Variants in FAT3 observed in about 807,000 individuals in gnomAD.
FAT3 encodes the protein FAT atypical cadherin 3.
In FAT3, 95 loss-of-function variants were observed where a neutral mutation model predicts 310.2. That is an observed-to-expected ratio of 0.31 (90% confidence interval 0.26 to 0.36). FAT3 has a LOEUF of 0.36. Ranked by LOEUF, FAT3 falls within the 10% of genes least tolerant of loss-of-function variation. The pLI is 1.00. For missense variants in FAT3, 5,408 were observed against 5,715.6 expected, an observed-to-expected ratio of 0.95 and a Z score of 1.74; for synonymous variants, 2,314 against 2,192.9, an observed-to-expected ratio of 1.06 and a Z score of -1.54.
At chr11:92,753,773 G>GGT (rs145467493) in intron 4 of FAT3, among the ~76,000 whole-genome samples, 3,981 of 128,194 alleles carry the variant, frequency 0.031, 334 homozygotes, top group Admixed American at 0.12. Flanking sequence ...AAGAAACTGT[G>GGT]GTGTGTGTGT....
At chr11:92,495,999 G>A (rs1391902500) in intron 2 of FAT3, among the ~76,000 whole-genome samples, 2 of 152,064 alleles carry the variant, frequency 1.3e-5, no homozygotes, top group Admixed American at 6.6e-5. Flanking sequence ...TGCATTTTCT[G>A]TAGTGTTGAT....
intron 13 of FAT3, among the ~76,000 whole-genome samples, chr11:92,814,167 A>G (rs1170651663): frequency 6.6e-6 from 1 of 152,232 alleles, no homozygotes; most frequent in Non-Finnish European, 1.5e-5. Context: ...TTTATAAATT[A>G]CGAAGTCTCA....
At chr11:92,656,520 A>G (rs1752075963) in intron 3 of FAT3, among the ~76,000 whole-genome samples, 2 of 152,222 alleles carry the variant, frequency 1.3e-5, no homozygotes, top group African/African-American at 4.8e-5. Flanking sequence ...TAATGGCACA[A>G]CCAAACCACC....
intron 2 of FAT3, among the ~76,000 whole-genome samples, chr11:92,415,007 CA>C (rs59309979): frequency 0.85 from 123,083 of 145,068 alleles, 51,834 homozygotes; most frequent in South Asian, 0.89. Flanking sequence ...AAGATTTCGT[CA>C]AAAAAAAAAA....
At chr11:92,425,956 C>A (rs1250324651) in intron 2 of FAT3, among the ~76,000 whole-genome samples, 1 of 152,136 alleles carries the variant, frequency 6.6e-6, no homozygotes. Flanking sequence ...GAGGAATCAC[C>A]ACACTGTCTT....
intron 1 of FAT3, among the ~76,000 whole-genome samples, chr11:92,303,726 A>G (rs1230146592): frequency 2.6e-5 from 4 of 152,098 alleles, no homozygotes; most frequent in Admixed American, 2.0e-4. Context: ...CCTTTGTGAA[A>G]TGTTTGTAGC....
chr11:92,584,481 C>T (rs1002003868), intron 3 of FAT3, among the ~76,000 whole-genome samples: 1 of 151,672 alleles, frequency 6.6e-6, no homozygotes, highest in Admixed American at 6.6e-5. Context: ...GCTTTTTTTC[C>T]CCCCCTTTTC....
intron 2 of FAT3, among the ~76,000 whole-genome samples, chr11:92,508,502 A>C (rs139880728): frequency 6.6e-6 from 1 of 152,190 alleles, no homozygotes; most frequent in African/African-American, 2.4e-5. Flanking sequence ...AGAAAAAGTT[A>C]TCTGAAAAGG....
At chr11:92,413,604 C>G (rs1443239912) in intron 2 of FAT3, among the ~76,000 whole-genome samples, 1 of 152,112 alleles carries the variant, frequency 6.6e-6, no homozygotes, top group Non-Finnish European at 1.5e-5. Context: ...TTGGCTTTCC[C>G]TATGCTGGAT....
At chr11:92,754,354 G>A (rs1002753708) in intron 4 of FAT3, among the ~76,000 whole-genome samples, 19 of 151,884 alleles carry the variant, frequency 1.3e-4, no homozygotes, top group East Asian at 2.0e-4. Flanking sequence ...GGCCGGGCGC[G>A]ATGGCTCACG....
At chr11:92,479,048 C>T (rs773428982) in intron 2 of FAT3, among the ~76,000 whole-genome samples, 6 of 150,072 alleles carry the variant, frequency 4.0e-5, no homozygotes, top group Non-Finnish European at 7.4e-5. Context: ...TTTGCCCAGG[C>T]TGGAGTGCAG....
chr11:92,250,619 AAG>A (rs1199368820), intron 1 of FAT3, among the ~76,000 whole-genome samples: 1 of 152,144 alleles, frequency 6.6e-6, no homozygotes, highest in Non-Finnish European at 1.5e-5. Context: ...AGAAGGGAAA[AAG>A]AAAGCAAAAC....
intron 3 of FAT3, among the ~76,000 whole-genome samples, chr11:92,621,214 C>T (rs1454863420): frequency 6.6e-6 from 1 of 152,120 alleles, no homozygotes; most frequent in Non-Finnish European, 1.5e-5. Flanking sequence ...GTGTCTCCTT[C>T]CCAGTCAGCC....
At chr11:92,307,766 C>A (rs564266854) in intron 1 of FAT3, among the ~76,000 whole-genome samples, 28 of 152,258 alleles carry the variant, frequency 1.8e-4, no homozygotes, top group African/African-American at 6.0e-4. Context: ...GTGCTGACAG[C>A]CCCTCATTCC....
intron 4 of FAT3, among the ~76,000 whole-genome samples, chr11:92,756,912 C>CTCCA (rs1946006542): frequency 6.9e-6 from 1 of 145,984 alleles, no homozygotes; most frequent in African/African-American, 2.6e-5. Context: ...CTATTTGTGG[C>CTCCA]TCCATTTTTT....
chr11:92,673,081 C>A (rs1193495837), intron 3 of FAT3, among the ~76,000 whole-genome samples: 1 of 152,186 alleles, frequency 6.6e-6, no homozygotes, highest in Non-Finnish European at 1.5e-5. Flanking sequence ...CTAAAAACCA[C>A]TCATCAGTTT....
At chr11:92,841,189 C>T (rs751209358) in intron 18 of FAT3, among the ~76,000 whole-genome samples, 16 of 152,120 alleles carry the variant, frequency 1.1e-4, no homozygotes, top group Non-Finnish European at 1.8e-4. Context: ...CTGGCAGTGG[C>T]CCCCAGCATG....
At chr11:92,566,421 T>C (rs991050362) in intron 3 of FAT3, among the ~76,000 whole-genome samples, 3 of 152,020 alleles carry the variant, frequency 2.0e-5, no homozygotes, top group Non-Finnish European at 2.9e-5. Flanking sequence ...TCCATGCTCA[T>C]GGGTAGGAAG....
chr11:92,683,904 T>A (rs1418560998), intron 3 of FAT3, among the ~76,000 whole-genome samples: 2 of 152,194 alleles, frequency 1.3e-5, no homozygotes, highest in Non-Finnish European at 1.5e-5. Flanking sequence ...AGAATTAAAA[T>A]CACAGCAAAA....
Sources: allele counts gnomAD v4.1 joint callset (sites outside exome capture counted in the v4.1 genomes callset), GRCh38; gene constraint gnomAD v4.1.1; transcripts MANE v1.5; gene names NCBI Gene and HGNC (gene_info 2026-07-23, HGNC 2026-07-21).